The following ADGRL2 variants were observed in gnomAD, a reference collection of about 807,000 sequenced individuals.
ADGRL2 encodes the protein adhesion G protein-coupled receptor L2.
A neutral mutation model predicts 157.4 loss-of-function variants in ADGRL2; 44 were observed. The ratio of observed to expected loss-of-function variants is 0.28; its 90% confidence interval spans 0.22 to 0.36. The LOEUF is 0.36. Ranked by LOEUF, ADGRL2 falls within the 10% of genes least tolerant of loss-of-function variation. The probability of loss-of-function intolerance (pLI) is 1.00; values close to 1 mark genes in which losing one functional copy is unlikely to be tolerated. For missense variants in ADGRL2, 1,510 were observed against 1,768.9 expected (o/e 0.85, Z 2.63); for synonymous variants, 585 against 624.7 (o/e 0.94, Z 0.95).
chr1:81,503,918 C>G (rs1262893780), intron 2 of ADGRL2, among the ~76,000 whole-genome samples: 1 of 152,238 alleles, frequency 6.6e-6, no homozygotes, highest in Non-Finnish European at 1.5e-5. Context: ...TGTGGGGCTG[C>G]CAGGAGCCAA....
chr1:81,718,113 G>C (rs769134891), intron 1 of ADGRL2, among the ~76,000 whole-genome samples: 1 of 152,084 alleles, frequency 6.6e-6, no homozygotes, highest in Non-Finnish European at 1.5e-5. Context: ...TCCGCCTCTC[G>C]GGTTCAAGTG....
At position 81,810,878 on chromosome 1, in the gene ADGRL2, A is replaced by G. The variant is rs2089784650; in HGVS notation, c.-101+9810A>G. 2.6e-5 allele frequency among the ~76,000 whole-genome samples: 4 copies of G among 151,936 alleles called. No homozygotes were observed. The South Asian group carries it at 8.3e-4, about 31-fold the overall frequency. On this transcript the variant is annotated intron_variant, in intron 1 of 23. Coordinates refer to ENST00000686636, the MANE Select transcript of ADGRL2 (RefSeq NM_001366006.2). ...TAATGTCCTAGACATGTTCACTTTT[A>G]CTAAGGACATATAACTTTTTTGCGC...
intron 1 of ADGRL2, among the ~76,000 whole-genome samples, chr1:81,309,843 T>A (rs1571247): frequency 0.42 from 63,971 of 151,928 alleles, 14,183 homozygotes; most frequent in Middle Eastern, 0.53. Context: ...TCTCTTTATA[T>A]GTTTAAAATT....
chr1:81,625,625 T>C (rs2081894266), intron 3 of ADGRL2: 1 of 152,196 alleles, frequency 6.6e-6, no homozygotes, highest in African/African-American at 2.4e-5. Flanking sequence ...TTTTATTCTC[T>C]AGGAAAAACC....
chr1:81,617,983 G>A (rs536535324), intron 3 of ADGRL2, among the ~76,000 whole-genome samples: 1 of 152,164 alleles, frequency 6.6e-6, no homozygotes, highest in South Asian at 2.1e-4. Flanking sequence ...CTTCCACTTG[G>A]TTATAGCCCT....
chr1:81,352,003 A>T (rs1428391422), intron 1 of ADGRL2, among the ~76,000 whole-genome samples: 2 of 152,366 alleles, frequency 1.3e-5, no homozygotes, highest in East Asian at 3.9e-4. Flanking sequence ...TCATACCGGC[A>T]TACACAGATG....
chr1:81,817,461 A>G (rs2090527434), intron 1 of ADGRL2, among the ~76,000 whole-genome samples: 1 of 152,048 alleles, frequency 6.6e-6, no homozygotes, highest in South Asian at 2.1e-4. Context: ...TTTTGTTAGT[A>G]TATGTAAATA....
At chr1:81,418,490 G>T (rs149622605) in intron 1 of ADGRL2, among the ~76,000 whole-genome samples, 7 of 152,156 alleles carry the variant, frequency 4.6e-5, no homozygotes, top group Non-Finnish European at 8.8e-5. Flanking sequence ...GGTGGCTCAC[G>T]CCTGTAATCC....
intron 1 of ADGRL2, among the ~76,000 whole-genome samples, chr1:81,732,949 T>C (rs1334686092): frequency 6.6e-6 from 1 of 152,238 alleles, no homozygotes; most frequent in Non-Finnish European, 1.5e-5. Context: ...CAAATACTCT[T>C]AATCTAAATC....
intron 1 of ADGRL2, among the ~76,000 whole-genome samples, chr1:81,332,931 G>A (rs942861654): frequency 6.6e-6 from 1 of 152,094 alleles, no homozygotes; most frequent in African/African-American, 2.4e-5. Context: ...TAATAAGACT[G>A]TGATATTTTA....
At chr1:81,881,551 G>A (rs555726687) in intron 2 of ADGRL2, among the ~76,000 whole-genome samples, 1 of 152,254 alleles carries the variant, frequency 6.6e-6, no homozygotes, top group South Asian at 2.1e-4. Flanking sequence ...ACTGAAAAAG[G>A]AAAGAAACCT....
intron 3 of ADGRL2, among the ~76,000 whole-genome samples, chr1:81,690,100 G>T (rs1420285180): frequency 1.3e-5 from 2 of 152,192 alleles, no homozygotes; most frequent in East Asian, 3.9e-4. Flanking sequence ...AGCAGGGATT[G>T]ACTACTTCCA....
chr1:81,428,420 T>C (rs1406100750), intron 1 of ADGRL2, among the ~76,000 whole-genome samples: 1 of 152,092 alleles, frequency 6.6e-6, no homozygotes, highest in Non-Finnish European at 1.5e-5. Context: ...TTCCTTCCAC[T>C]CCCTGAAGGT....
chr1:81,344,362 G>C (rs928239742), intron 1 of ADGRL2, among the ~76,000 whole-genome samples: 2 of 152,128 alleles, frequency 1.3e-5, no homozygotes, highest in African/African-American at 4.8e-5. Context: ...ACTTAAGAAA[G>C]TGACACAGAA....
chr1:81,472,452 G>A (rs1292546540), intron 2 of ADGRL2, among the ~76,000 whole-genome samples: 3 of 152,178 alleles, frequency 2.0e-5, no homozygotes, highest in African/African-American at 7.2e-5. Flanking sequence ...GGGCAACAGT[G>A]AAACCCTGTC....
At chr1:81,411,296 T>G (rs2076941321) in intron 1 of ADGRL2, among the ~76,000 whole-genome samples, 1 of 152,244 alleles carries the variant, frequency 6.6e-6, no homozygotes. Flanking sequence ...GAAAGATATT[T>G]TTCACAAGCC....
chr1:81,881,400 TCTC>T (rs1377185250), intron 2 of ADGRL2, among the ~76,000 whole-genome samples: 5 of 152,124 alleles, frequency 3.3e-5, no homozygotes, highest in African/African-American at 1.2e-4. Flanking sequence ...ATGGTCTCGA[TCTC>T]CTGACCTCGT....
chr1:81,974,164 A>G (rs1033450707), intron 17 of ADGRL2, among the ~76,000 whole-genome samples: 1 of 152,240 alleles, frequency 6.6e-6, no homozygotes, highest in Admixed American at 6.5e-5. Flanking sequence ...ATTCTAAATA[A>G]TAATCTATGA....
chr1:81,975,756 T>G (rs1195850903), intron 17 of ADGRL2, among the ~76,000 whole-genome samples: 1 of 152,052 alleles, frequency 6.6e-6, no homozygotes, highest in African/African-American at 2.4e-5. Flanking sequence ...GTAGTTTATT[T>G]GAAACCTACC....
Sources: gnomAD v4.1 joint callset for allele counts (sites outside exome capture counted in the v4.1 genomes callset) on GRCh38, gnomAD v4.1.1 for gene constraint, MANE v1.5 for transcripts, NCBI Gene and HGNC (gene_info 2026-07-23, HGNC 2026-07-21) for gene names.